Variants in CFAP299 observed in about 807,000 individuals in gnomAD.
CFAP299 encodes the protein cilia- and flagella-associated protein 299.
In CFAP299, 21 loss-of-function variants were observed where a neutral mutation model predicts 27.0. The ratio of observed to expected loss-of-function variants is 0.78; its 90% CI spans 0.55 to 1.12. CFAP299 has a LOEUF of 1.12. Among genes scored for constraint, CFAP299 ranks in the 50% most tolerant of loss-of-function variants. CFAP299 has a pLI of 0.00. For missense variants in CFAP299, 310 were observed against 276.6 expected (o/e 1.12, Z -0.86); for synonymous variants, 104 against 98.1 (o/e 1.06, Z -0.36).
intron 3 of CFAP299, among the ~76,000 whole-genome samples, chr4:80,748,589 T>C (rs939621243): frequency 6.6e-6 from 1 of 152,180 alleles, no homozygotes. Context: ...AATTGATATA[T>C]TGTATCATGG....
chr4:80,432,023 AT>A (rs755672744), intron 2 of CFAP299, among the ~76,000 whole-genome samples: 9 of 152,274 alleles, frequency 5.9e-5, no homozygotes, highest in Non-Finnish European at 1.3e-4. Context: ...GTTCACAAAA[AT>A]AACACAGTAA....
Position 80,335,835 on chromosome 4 carries a change from T to C in CFAP299, c.67T>C (p.Phe23Leu), listed in dbSNP as rs202017771. 2.5e-6 allele frequency: 4 copies of C among 1,613,810 alleles called. No individual in the cohort carries two copies. The South Asian group carries it at 4.4e-5, about 18-fold the overall frequency. ...IVTQFNAYEDFLDSQITTVDL... is the reference protein window; with the variant it reads ...IVTQFNAYEDLLDSQITTVDL... ...CACTCAATTCAACGCCTATGAAGAT[T>C]TCCTGGACTCGCAGATCACTACTGT... Residue 23 changes from phenylalanine to leucine, a missense_variant, in exon 1 of 6, where the codon TTC becomes CTC. Phe to Leu is a conservative substitution (Grantham distance 22). Coordinates refer to ENST00000358105, the MANE Select transcript of CFAP299 (RefSeq NM_152770.3).
rs567227395 is a variant in CFAP299, at chr4:80,656,182, TA to T, written c.333+73007del. 3.5e-4 allele frequency among the ~76,000 whole-genome samples: 53 copies of T among 151,976 alleles called. 1 individual carries two copies. Among genetic ancestry groups the T allele is most frequent in the African/African-American group, 4.1e-4 (17 of 41,486 alleles). ...TCAAATTATTGTTGCAGTTTTATAC[TA>T]AAAAAAAGACTATTATTATTACAGG... On this transcript the variant is annotated intron_variant, in intron 3 of 5. Coordinates refer to ENST00000358105, the MANE Select transcript of CFAP299 (RefSeq NM_152770.3).
intron 2 of CFAP299, among the ~76,000 whole-genome samples, chr4:80,459,679 GA>G (rs1349308647): frequency 1.3e-5 from 2 of 152,074 alleles, no homozygotes; most frequent in Non-Finnish European, 2.9e-5. Context: ...AAAAAAAACA[GA>G]AAAACTGATT....
In CFAP299 at chr4:80,426,447, A is replaced by T. The variant is rs182519873; in HGVS notation, c.242+63563A>T. On this transcript the variant is annotated intron_variant, in intron 2 of 5. Coordinates refer to ENST00000358105, the MANE Select transcript of CFAP299 (RefSeq NM_152770.3). ...TATTGTTCTTCATCCTCAAGAAAAA[A>T]GTAAATCTACAAGCTAGAATACAGT... Among the ~76,000 whole-genome samples, 16 of 152,332 alleles carry T rather than the reference A, an allele frequency of 1.1e-4. No homozygotes were observed. In the East Asian group the frequency reaches 2.7e-3, roughly 26 times the overall value.
chr4:80,948,265 G>T (rs1442974584), intron 5 of CFAP299, among the ~76,000 whole-genome samples: 3 of 152,142 alleles, frequency 2.0e-5, no homozygotes, highest in Non-Finnish European at 4.4e-5. Flanking sequence ...AGAAACTTGT[G>T]CAGGTCTTAC....
chr4:80,418,221 C>A (rs1200063565), intron 2 of CFAP299, among the ~76,000 whole-genome samples: 1 of 151,450 alleles, frequency 6.6e-6, no homozygotes, highest in African/African-American at 2.4e-5. Context: ...GGAAGATGTA[C>A]AACAAGCCCC....
intron 4 of CFAP299, among the ~76,000 whole-genome samples, chr4:80,932,534 T>G (rs1736673381): frequency 6.6e-6 from 1 of 152,210 alleles, no homozygotes; most frequent in Admixed American, 6.5e-5. Context: ...AGAACATGAA[T>G]ATTTATTATT....
chr4:80,897,299 T>C lies in CFAP299; in HGVS notation c.476+27164T>C, dbSNP rs1734655227. On this transcript the variant is annotated intron_variant, in intron 4 of 5. Transcript: ENST00000358105. ...ATTCAGTAATTATATATTAGGCATC[T>C]ACTCTGAGCTAAGCTGTGCCTGGCA... Among the ~76,000 whole-genome samples the C allele has an allele frequency of 2.0e-5, 3 of 152,216 alleles. No homozygotes were observed. In the South Asian group the frequency reaches 6.2e-4, roughly 32 times the overall value.
chr4:80,819,423 G>A lies in CFAP299; in HGVS notation c.334-50570G>A, dbSNP rs574358414. On this transcript the variant is annotated intron_variant, in intron 3 of 5. Transcript: ENST00000358105. ...TGGTAGGTTTTGGAAACTGTTGAGC[G>A]AATGGAATCAGATAAAAGTGATACT... 9.2e-5 allele frequency among the ~76,000 whole-genome samples: 14 copies of A among 152,234 alleles called. No individual in the cohort carries two copies. The East Asian group carries it at 2.7e-3, about 29-fold the overall frequency.
intron 3 of CFAP299, among the ~76,000 whole-genome samples, chr4:80,694,065 C>T (rs985261465): frequency 1.3e-5 from 2 of 152,134 alleles, no homozygotes; most frequent in Non-Finnish European, 2.9e-5. Context: ...ATTGCCACTA[C>T]CCTAAAACCT....
chr4:80,816,466 T>G lies in CFAP299; in HGVS notation c.334-53527T>G, dbSNP rs115489716. Among the ~76,000 whole-genome samples, 913 of 152,232 alleles carry G rather than the reference T, an allele frequency of 6.0e-3. 8 individuals carry two copies. The highest frequency in any genetic ancestry group is 0.021 in the African/African-American group (853 of 41,544). The stretch of plus-strand genomic sequence containing the variant: ...CTGATGTCAAACAAACCAAGAAACC[T>G]TCTGGATGTCAATTTTGATTCCAAT... On this transcript the variant is annotated intron_variant, in intron 3 of 5. Transcript: ENST00000358105.
intron 1 of CFAP299, among the ~76,000 whole-genome samples, chr4:80,360,612 GA>G (rs1723493595): frequency 6.6e-6 from 1 of 152,206 alleles, no homozygotes. Context: ...AGTAGAAATA[GA>G]TAAAATGAAC....
intron 2 of CFAP299, among the ~76,000 whole-genome samples, chr4:80,557,565 G>T (rs1341642620): frequency 6.6e-6 from 1 of 152,078 alleles, no homozygotes; most frequent in Non-Finnish European, 1.5e-5. Flanking sequence ...GTGTATTAAA[G>T]TAGTTAGGTT....
rs796869574 is a variant in CFAP299 at position 80,414,219 on chromosome 4, C to G, written c.242+51335C>G. ...CCAAGTAGCTGGGACTACAGGCGCC[C>G]GCCACTACGCCCGGCTAATTTTTTG... On this transcript the variant is annotated intron_variant, in intron 2 of 5. Coordinates refer to ENST00000358105, the MANE Select transcript of CFAP299 (RefSeq NM_152770.3). Among the ~76,000 whole-genome samples, 5 of 150,864 alleles carry G rather than the reference C, an allele frequency of 3.3e-5. No homozygotes were observed. The South Asian group carries it at 6.4e-4, about 19-fold the overall frequency.
Position 80,862,753 on chromosome 4 carries a change from T to C in CFAP299, c.334-7240T>C, listed in dbSNP as rs1318190255. Reference sequence around the variant, plus strand: ...CTCCAACAGGAAAGACAAAGAACTGTGCTAAACATAACCCTGTGAATTGTA... The same window carrying C: ...CTCCAACAGGAAAGACAAAGAACTGCGCTAAACATAACCCTGTGAATTGTA... On this transcript the variant is annotated intron_variant, in intron 3 of 5. Transcript: ENST00000358105. 3.9e-5 allele frequency among the ~76,000 whole-genome samples: 6 copies of C among 152,130 alleles called. No individual in the cohort carries two copies. The South Asian group carries it at 1.0e-3, about 26-fold the overall frequency.
chr4:80,753,011 T>C (rs904556093), intron 3 of CFAP299, among the ~76,000 whole-genome samples: 5 of 152,098 alleles, frequency 3.3e-5, no homozygotes, highest in Admixed American at 3.3e-4. Context: ...CACGTTTGTA[T>C]TGTAAAGCAA....
chr4:80,831,159 G>A (rs1373491702), intron 3 of CFAP299, among the ~76,000 whole-genome samples: 1 of 151,966 alleles, frequency 6.6e-6, no homozygotes, highest in Non-Finnish European at 1.5e-5. Context: ...GGATGTGTTG[G>A]GAAACAAGCT....
At chr4:80,581,784 C>T (rs1347140420) in intron 2 of CFAP299, among the ~76,000 whole-genome samples, 5 of 151,772 alleles carry the variant, frequency 3.3e-5, no homozygotes, top group Non-Finnish European at 7.4e-5. Flanking sequence ...GTGTTGCTCT[C>T]CTACAGGCTA....
Sources: gnomAD v4.1 joint callset for allele counts (sites outside exome capture counted in the v4.1 genomes callset) on GRCh38, gnomAD v4.1.1 for gene constraint, MANE v1.5 for transcripts, NCBI Gene and HGNC (gene_info 2026-07-23, HGNC 2026-07-21) for gene names.